SAXO2: variants seen among roughly 807,000 people sequenced by gnomAD.
The protein encoded by SAXO2 is stabilizer of axonemal microtubules 2.
Under a neutral mutation model 18.7 loss-of-function variants are expected in SAXO2, and 17 were observed. The observed-to-expected ratio is 0.91, with a 90% CI of 0.62 to 1.36. The LOEUF (loss-of-function observed/expected upper bound fraction) is 1.36, where lower values mean the gene tolerates loss of function less well. SAXO2 is among the 40% of genes most tolerant of loss of function. SAXO2 has a pLI of 0.00. For missense variants in SAXO2, 486 were observed against 562.6 expected (o/e 0.86, Z 1.38); for synonymous variants, 163 against 181.2 (o/e 0.90, Z 0.81).
Position 82,284,557 on chromosome 15 carries a change from C to T in SAXO2, c.*1495C>T, listed in dbSNP as rs1351182514. On this transcript the variant is annotated 3_prime_UTR_variant, in exon 4 of 4. Coordinates refer to ENST00000682753, the MANE Select transcript of SAXO2 (RefSeq NM_001348699.2). Reference sequence around the variant, plus strand: ...CAGCAGGGGGCATAATCACCTGGTTCACCTCTTCCGGTGTGAAGATAAGTG... The same window carrying T: ...CAGCAGGGGGCATAATCACCTGGTTTACCTCTTCCGGTGTGAAGATAAGTG... 1 of 151,986 alleles carries T rather than the reference C, an allele frequency of 6.6e-6. No homozygotes were observed. Among genetic ancestry groups the T allele is most frequent in the Admixed American group, 6.6e-5 (1 of 15,254 alleles). 9.4% of individuals were successfully genotyped at this position (151,986 alleles called of 1,614,324 possible). A position where few individuals can be genotyped will look rare whatever the true frequency, so the allele number is the denominator to read the frequency against.
chr15:82,264,757 C>T, intron 1 of SAXO2: 1 of 701,520 alleles, frequency 1.4e-6, no homozygotes, highest in Non-Finnish European at 2.6e-6. Context: ...CTCGTCTCTT[C>T]CAAGGTCAAG....
intron 1 of SAXO2, among the ~76,000 whole-genome samples, 200 bp from the exon 2 acceptor site, chr15:82,265,369 C>G (rs2075206571): frequency 6.6e-6 from 1 of 152,154 alleles, no homozygotes; most frequent in African/African-American, 2.4e-5. Flanking sequence ...GTCTCGATCT[C>G]CTGACTTTGG....
intron 2 of SAXO2, among the ~76,000 whole-genome samples, chr15:82,270,704 T>C (rs1024960353): frequency 1.3e-5 from 2 of 152,182 alleles, no homozygotes; most frequent in Admixed American, 1.3e-4. Context: ...GTAGTAATAG[T>C]GGTGGCTACC....
In SAXO2 at chr15:82,262,834, G is replaced by A; in HGVS notation, c.-46G>A. On this transcript the variant is annotated 5_prime_UTR_variant, in exon 1 of 4. In the 5' UTR this introduces an upstream ATG that the reference lacks. Transcript: ENST00000682753. ...TGTTGCCTTGACTACGGCGGGCGCT[G>A]TGGGAGTGGAGAAGCTGCAAGTGCT... The A allele has an allele frequency of 6.4e-7, 1 of 1,552,746 alleles. No individual in the cohort carries two copies. Among genetic ancestry groups the A allele is most frequent in the Non-Finnish European group, 8.7e-7 (1 of 1,148,304 alleles).
At chr15:82,263,099 T>C in intron 1 of SAXO2, 167 bp downstream of exon 1, 1 of 1,494,250 alleles carries the variant, frequency 6.7e-7, no homozygotes, top group Non-Finnish European at 8.9e-7. Flanking sequence ...TACTCGCTCC[T>C]CACCCGCCTG....
chr15:82,276,704 A>G (rs2075318496), intron 3 of SAXO2, among the ~76,000 whole-genome samples: 1 of 152,198 alleles, frequency 6.6e-6, no homozygotes, highest in African/African-American at 2.4e-5. Context: ...AGGATCTAGA[A>G]TTTTAAAGCC....
intron 3 of SAXO2, among the ~76,000 whole-genome samples, chr15:82,275,769 A>G (rs150963287): frequency 0.018 from 2,712 of 152,296 alleles, 78 homozygotes; most frequent in African/African-American, 0.062. Context: ...CATTGAAGGA[A>G]CATAACTCAA....
intron 2 of SAXO2, among the ~76,000 whole-genome samples, chr15:82,266,202 T>A (rs950638403): frequency 6.6e-6 from 1 of 152,146 alleles, no homozygotes; most frequent in Non-Finnish European, 1.5e-5. Flanking sequence ...CGAATTTGCA[T>A]TGGGCCTCAT....
intron 3 of SAXO2, among the ~76,000 whole-genome samples, chr15:82,279,940 C>T (rs1596038824): frequency 6.6e-6 from 1 of 152,106 alleles, no homozygotes; most frequent in Non-Finnish European, 1.5e-5. Flanking sequence ...AGTGGCTAGA[C>T]ATAAAAAGTG....
rs2075394388 is a variant in SAXO2 at position 82,284,537 on chromosome 15, G to T, written c.*1475G>T. The T allele has an allele frequency of 6.6e-6, 1 of 152,026 alleles. No individual in the cohort carries two copies. The highest frequency in any genetic ancestry group is 2.4e-5 in the African/African-American group (1 of 41,366). The allele number at this position is 152,026 out of a possible 1,614,324, so 9.4% of individuals were successfully genotyped here. A position where few individuals can be genotyped will look rare whatever the true frequency, so the allele number is the denominator to read the frequency against. ...TTTAGAGGAAGAACCAGCCCCAGCA[G>T]GGGGCATAATCACCTGGTTCACCTC... On this transcript the variant is annotated 3_prime_UTR_variant, in exon 4 of 4. Coordinates refer to ENST00000682753, the MANE Select transcript of SAXO2 (RefSeq NM_001348699.2).
chr15:82,274,134 A>T (rs2075295292), intron 3 of SAXO2, among the ~76,000 whole-genome samples: 1 of 152,026 alleles, frequency 6.6e-6, no homozygotes, highest in African/African-American at 2.4e-5. Flanking sequence ...ATGTACACAC[A>T]ATACACGCAC....
chr15:82,268,190 C>T (rs1281470604), intron 2 of SAXO2, among the ~76,000 whole-genome samples: 1 of 151,736 alleles, frequency 6.6e-6, no homozygotes, highest in East Asian at 1.9e-4. Flanking sequence ...TTCTTGATGC[C>T]TTAATGGTTC....
chr15:82,266,870 G>A (rs1370337341), intron 2 of SAXO2, among the ~76,000 whole-genome samples: 2 of 152,098 alleles, frequency 1.3e-5, no homozygotes, highest in East Asian at 3.8e-4. Flanking sequence ...GCACATACTA[G>A]GTACCCAATA....
chr15:82,270,246 C>T (rs145338407), intron 2 of SAXO2, among the ~76,000 whole-genome samples: 54 of 152,114 alleles, frequency 3.5e-4, no homozygotes, highest in African/African-American at 1.2e-3. Context: ...TCTTGAGGAA[C>T]GCTAACATGT....
chr15:82,273,620 GTATAT>G (rs2075290836), intron 3 of SAXO2, among the ~76,000 whole-genome samples: 1 of 150,326 alleles, frequency 6.7e-6, no homozygotes, highest in Admixed American at 6.6e-5. Context: ...TGGTGAAGAA[GTATAT>G]TATAATTAAA....
At position 82,269,354 on chromosome 15, in the gene SAXO2, G is replaced by A. The variant is rs1242982130; in HGVS notation, c.234-2249G>A. ...TGTCAAATTAACTGGATTAAGAGGG[G>A]GAAGGAAATGCATTCCAAGTAGAGA... On this transcript the variant is annotated intron_variant, in intron 2 of 3. Transcript: ENST00000682753. Among the ~76,000 whole-genome samples, 7 of 152,260 alleles carry A rather than the reference G, an allele frequency of 4.6e-5. No individual in the cohort carries two copies. In the East Asian group the frequency reaches 9.6e-4, roughly 21 times the overall value.
Position 82,265,749 on chromosome 15 carries a change from G to A in SAXO2, c.233+1G>A. 6.6e-7 allele frequency: 1 copy of A among 1,520,512 alleles called. No individual in the cohort carries two copies. Among genetic ancestry groups the A allele is most frequent in the Non-Finnish European group, 8.8e-7 (1 of 1,140,160 alleles). 94.2% of individuals were successfully genotyped at this position (1,520,512 alleles called of 1,614,324 possible). Reference sequence around the variant, plus strand: ...AAATGGAAGGAATAACTACATTTAAGTAAATATTTAGTAACTATTTGCTTT... The same window carrying A: ...AAATGGAAGGAATAACTACATTTAAATAAATATTTAGTAACTATTTGCTTT... On this transcript the variant is annotated splice_donor_variant, in intron 2 of 3. Coordinates refer to ENST00000682753, the MANE Select transcript of SAXO2 (RefSeq NM_001348699.2). LOFTEE classifies it high-confidence loss of function.
In SAXO2 at chr15:82,265,585, C is replaced by G. The variant is rs1034666689; in HGVS notation, c.70C>G (p.Arg24Gly). The G allele has an allele frequency of 1.5e-6, 2 of 1,370,792 alleles. No individual in the cohort carries two copies. Among genetic ancestry groups the G allele is most frequent in the African/African-American group, 3.0e-5 (2 of 66,142 alleles). 84.9% of individuals were successfully genotyped at this position (1,370,792 alleles called of 1,614,324 possible). The change falls in exon 2 of 4, where the codon CGT becomes GGT. Residue 24 changes from arginine (R) to glycine (G), a missense_variant. Transcript: ENST00000682753. ...ICSCGRHHCP[R>G]GTTRIYENSG... ...TTTGCACAGGCGACATCATTGTCCA[C>G]GTGGAACCACAAGGATTTATGAAAA...
In SAXO2 at chr15:82,262,838, G is replaced by A; in HGVS notation, c.-42G>A. The A allele has an allele frequency of 1.3e-6, 2 of 1,555,954 alleles. No individual in the cohort carries two copies. The highest frequency in any genetic ancestry group is 1.7e-6 in the Non-Finnish European group (2 of 1,150,092). On this transcript the variant is annotated 5_prime_UTR_variant, in exon 1 of 4. Coordinates refer to ENST00000682753, the MANE Select transcript of SAXO2 (RefSeq NM_001348699.2). ...GCCTTGACTACGGCGGGCGCTGTGGGAGTGGAGAAGCTGCAAGTGCTGAGG... is the reference window on the plus strand; with the variant it reads ...GCCTTGACTACGGCGGGCGCTGTGGAAGTGGAGAAGCTGCAAGTGCTGAGG...
Sources: gnomAD v4.1 joint callset for allele counts (sites outside exome capture counted in the v4.1 genomes callset) on GRCh38, gnomAD v4.1.1 for gene constraint, MANE v1.5 for transcripts, NCBI Gene and HGNC (gene_info 2026-07-23, HGNC 2026-07-21) for gene names.